The following TTC6 variants were observed in gnomAD, a reference collection of about 807,000 sequenced individuals.
The protein encoded by TTC6 is tetratricopeptide repeat protein 6.
Under a neutral mutation model 210.4 loss-of-function variants are expected in TTC6, and 172 were observed. The observed-to-expected ratio is 0.82, with a 90% CI of 0.72 to 0.93. The LOEUF is 0.93. TTC6 is among the 40% of genes least tolerant of loss of function. The probability of loss-of-function intolerance (pLI) is 0.00; values close to 1 mark genes in which losing one functional copy is unlikely to be tolerated. For missense variants in TTC6, 2,414 were observed against 2,318.1 expected (o/e 1.04, Z -0.85); for synonymous variants, 804 against 819.6 (o/e 0.98, Z 0.32).
Position 37,598,329 on chromosome 14 carries a change from C to T in TTC6, c.-235+2321C>T, listed in dbSNP as rs2095608450. On this transcript the variant is annotated intron_variant, in intron 1 of 2. Coordinates refer to the TTC6 transcript ENST00000556845. The surrounding 1 kb of genome is among the most constrained non-coding windows in gnomAD (Gnocchi z 4.9). The stretch of plus-strand genomic sequence containing the variant: ...GCCTGTGTTTAAGACGGGTCTGCGA[C>T]AGCTTGGGGCGGTCCAGGTCGCGGG... Among the ~76,000 whole-genome samples the T allele has an allele frequency of 1.3e-5, 2 of 152,276 alleles. No individual in the cohort carries two copies. Among genetic ancestry groups the T allele is most frequent in the East Asian group, 1.9e-4 (1 of 5,146 alleles).
intron 14 of TTC6, among the ~76,000 whole-genome samples, chr14:37,763,409 G>A (rs556807528): frequency 1.3e-5 from 2 of 152,144 alleles, no homozygotes; most frequent in African/African-American, 4.8e-5. Flanking sequence ...CAGACACTTG[G>A]TAGAATTTAC....
chr14:37,736,095 A>G (rs1269096965), intron 8 of TTC6, 85 bp downstream of exon 10: 1 of 764,922 alleles, frequency 1.3e-6, no homozygotes, highest in African/African-American at 1.8e-5. Context: ...TCCAGAAATT[A>G]TTTCTTGGGG....
chr14:37,837,627 A>G (rs549645298), intron 29 of TTC6: 2 of 244,746 alleles, frequency 8.2e-6, no homozygotes, highest in Middle Eastern at 9.9e-4. Context: ...TTTTCTGCAT[A>G]TTGTTCTCAG....
chr14:37,777,668 A>G (rs886150233), intron 14 of TTC6, among the ~76,000 whole-genome samples: 6 of 152,072 alleles, frequency 3.9e-5, no homozygotes, highest in African/African-American at 1.4e-4. Context: ...TGGAGGTAAT[A>G]AGACACTGGG....
chr14:37,707,570 CTCT>C (rs758240268), intron 5 of TTC6, among the ~76,000 whole-genome samples: 1 of 152,050 alleles, frequency 6.6e-6, no homozygotes, highest in Non-Finnish European at 1.5e-5. Context: ...TTCTATCAGT[CTCT>C]TAAGACAATC....
At chr14:37,622,787 A>G (rs2095653821) in exon 1 of TTC6, 2 of 1,534,486 alleles carry the variant, frequency 1.3e-6, no homozygotes, top group African/African-American at 1.4e-5. Context: ...AGGCGCGGGA[A>G]GCGGCGGGGT....
intron 7 of TTC6, among the ~76,000 whole-genome samples, chr14:37,731,907 TTTA>T (rs1801182205): frequency 6.6e-6 from 1 of 152,148 alleles, no homozygotes; most frequent in Non-Finnish European, 1.5e-5. Context: ...TATTGTTATT[TTTA>T]TTTTCTTACC....
chr14:37,691,350 CA>C (rs1197087110), intron 3 of TTC6, among the ~76,000 whole-genome samples: 2 of 151,620 alleles, frequency 1.3e-5, no homozygotes, highest in African/African-American at 2.4e-5. Context: ...AAACAACAAA[CA>C]AAAAAACACA....
At chr14:37,765,978 T>TC (rs1566939350) in intron 14 of TTC6, among the ~76,000 whole-genome samples, 2 of 152,108 alleles carry the variant, frequency 1.3e-5, no homozygotes, top group Admixed American at 1.3e-4. Flanking sequence ...TCCCACACCA[T>TC]CCCCCAAGAT....
In TTC6 at chr14:37,622,463, GAA is replaced by G; in HGVS notation, c.403_404del (p.Lys135AlafsTer199). 1 of 1,535,196 alleles carries G rather than the reference GAA, an allele frequency of 6.5e-7. No individual in the cohort carries two copies. The highest frequency in any genetic ancestry group is 1.7e-4 in the Middle Eastern group (1 of 5,982). On this transcript the variant is annotated frameshift_variant, in exon 1 of 31. Transcript: ENST00000553443. LOFTEE classifies it high-confidence loss of function. ...CCGCGTTCCTACGGCACCAGGCCCT[GAA>G]AAAGCCCCCAGTCATCGCCTCGGGG...
At chr14:37,615,295 T>G in intron 2 of TTC6, among the ~76,000 whole-genome samples, 1 of 152,130 alleles carries the variant, frequency 6.6e-6, no homozygotes, top group Admixed American at 6.5e-5. Flanking sequence ...AAATTTGTCT[T>G]TCTTCAAATT....
At chr14:37,678,295 A>G (rs1020207634) in intron 1 of TTC6, among the ~76,000 whole-genome samples, 1 of 152,146 alleles carries the variant, frequency 6.6e-6, no homozygotes, top group African/African-American at 2.4e-5. Context: ...TAATGAATGT[A>G]CCACGTATCT....
At chr14:37,836,322 ACT>A (rs1471263608) in intron 29 of TTC6, among the ~76,000 whole-genome samples, 3 of 152,028 alleles carry the variant, frequency 2.0e-5, no homozygotes, top group Non-Finnish European at 4.4e-5. Flanking sequence ...AACTCAGATC[ACT>A]CTCTGGCTGG....
At chr14:37,762,768 A>G (rs1334525126) in intron 14 of TTC6, among the ~76,000 whole-genome samples, 4 of 151,542 alleles carry the variant, frequency 2.6e-5, no homozygotes, top group South Asian at 2.1e-4. Flanking sequence ...CATTCAATTT[A>G]TGTGGTATAT....
chr14:37,620,652 C>G (rs550341237), upstream of TTC6, among the ~76,000 whole-genome samples: 46 of 152,266 alleles, frequency 3.0e-4, no homozygotes, highest in African/African-American at 8.7e-4. Context: ...TGCTGAATAA[C>G]AGAATTTTTT....
chr14:37,689,450 A>G (rs1333567565), intron 3 of TTC6, among the ~76,000 whole-genome samples: 1 of 152,194 alleles, frequency 6.6e-6, no homozygotes, highest in African/African-American at 2.4e-5. Flanking sequence ...GAAAGATATC[A>G]CTATCCAAGT....
At position 37,817,504 on chromosome 14, in the gene TTC6, CAGTT is replaced by C. The variant is rs1240539091; in HGVS notation, c.4690-71_4690-68del. ...TAATGCTTGTGTCATTGTGGAATCACAGTTAGAAGGAAGTTTAAGATAGCACATA... is the reference window on the plus strand; with the variant it reads ...TAATGCTTGTGTCATTGTGGAATCACAGAAGGAAGTTTAAGATAGCACATA... On this transcript the variant is annotated intron_variant, in intron 25 of 30. Transcript: ENST00000553443. 1.5e-5 allele frequency: 19 copies of C among 1,293,128 alleles called. No individual in the cohort carries two copies. The Admixed American group carries it at 2.1e-4, about 15-fold the overall frequency. The allele number at this position is 1,293,128 out of a possible 1,614,324, so 80.1% of individuals were successfully genotyped here.
chr14:37,735,864 T>C (rs1408894108), intron 7 of TTC6, 57 bp from the exon 10 acceptor site: 7 of 1,075,374 alleles, frequency 6.5e-6, no homozygotes, highest in South Asian at 1.5e-5. Context: ...ACAGTCATCA[T>C]AGGCTTTTAA....
intron 3 of TTC6, among the ~76,000 whole-genome samples, chr14:37,696,319 T>C (rs575419160): frequency 1.6e-4 from 24 of 152,252 alleles, no homozygotes; most frequent in South Asian, 1.4e-3. Flanking sequence ...TCTGATAAAC[T>C]GATCAAAACA....
Sources: allele counts gnomAD v4.1 joint callset (sites outside exome capture counted in the v4.1 genomes callset), GRCh38; gene constraint gnomAD v4.1.1; non-coding constraint Gnocchi (gnomAD v3.1); transcripts MANE v1.5; gene names NCBI Gene and HGNC (gene_info 2026-07-23, HGNC 2026-07-21).